The following MTHFD1L variants were observed in gnomAD, a reference collection of about 807,000 sequenced individuals.
MTHFD1L encodes monofunctional C1-tetrahydrofolate synthase, mitochondrial.
A neutral mutation model predicts 119.5 loss-of-function variants in MTHFD1L; 81 were observed. The observed-to-expected ratio is 0.68, with a 90% CI of 0.57 to 0.82. MTHFD1L has a LOEUF of 0.82. Among genes scored for constraint, MTHFD1L ranks in the 40% least tolerant of loss-of-function variants. The pLI is 0.00. For synonymous variants in MTHFD1L, 430 were observed against 475.2 expected (o/e 0.90, Z 1.24); for missense variants, 1,125 against 1,253.4 (o/e 0.90, Z 1.55).
chr6:150,913,852 C>T (rs1787383736), intron 8 of MTHFD1L, among the ~76,000 whole-genome samples: 1 of 151,938 alleles, frequency 6.6e-6, no homozygotes, highest in South Asian at 2.1e-4. Context: ...AAATTAAGCC[C>T]AGGTGCTGTG....
At chr6:150,947,346 C>T (rs56201643) in intron 15 of MTHFD1L, among the ~76,000 whole-genome samples, 1 of 151,484 alleles carries the variant, frequency 6.6e-6, no homozygotes, top group African/African-American at 2.4e-5. Flanking sequence ...CCACCTGCTT[C>T]AGCCTCCCAA....
chr6:150,951,292 A>G lies in MTHFD1L; in HGVS notation c.1726+2159A>G, dbSNP rs1288566711. ...GGTGATCTTCCTGCCTCGGCCTCCCAAAGTGCTGGGATTACAGACATGAAC... is the reference window on the plus strand; with the variant it reads ...GGTGATCTTCCTGCCTCGGCCTCCCGAAGTGCTGGGATTACAGACATGAAC... On this transcript the variant is annotated intron_variant, in intron 16 of 27. Coordinates refer to ENST00000367321, the MANE Select transcript of MTHFD1L (RefSeq NM_015440.5). Among the ~76,000 whole-genome samples, 3 of 152,042 alleles carry G rather than the reference A, an allele frequency of 2.0e-5. No individual in the cohort carries two copies. The East Asian group carries it at 5.8e-4, about 29-fold the overall frequency.
intron 13 of MTHFD1L, among the ~76,000 whole-genome samples, chr6:150,940,348 G>A (rs1792877021): frequency 6.6e-6 from 1 of 152,136 alleles, no homozygotes; most frequent in African/African-American, 2.4e-5. Context: ...GGGTGAGAAA[G>A]AGTAGTCCAA....
chr6:150,990,281 A>T (rs1385457776), intron 20 of MTHFD1L, among the ~76,000 whole-genome samples: 1 of 152,008 alleles, frequency 6.6e-6, no homozygotes, highest in East Asian at 1.9e-4. Flanking sequence ...CTGTCTCAAA[A>T]AAAAAAAAGG....
At chr6:150,900,710 C>G (rs866681209) in intron 7 of MTHFD1L, among the ~76,000 whole-genome samples, 2 of 152,328 alleles carry the variant, frequency 1.3e-5, no homozygotes, top group Middle Eastern at 3.4e-3. Flanking sequence ...CTGACAGCTT[C>G]TTTTCTATAT....
chr6:150,906,778 G>T (rs879583447), intron 8 of MTHFD1L, among the ~76,000 whole-genome samples: 2 of 152,162 alleles, frequency 1.3e-5, no homozygotes, highest in Non-Finnish European at 2.9e-5. Context: ...AAAAGCATGA[G>T]CCCTAGCCAG....
At chr6:151,088,706 C>T (rs1354469314) in intron 26 of MTHFD1L, among the ~76,000 whole-genome samples, 1 of 151,672 alleles carries the variant, frequency 6.6e-6, no homozygotes, top group Non-Finnish European at 1.5e-5. Context: ...ATCCGCCCGC[C>T]TCGGCCTCCC....
chr6:151,091,111 A>G (rs75542981), intron 26 of MTHFD1L, among the ~76,000 whole-genome samples: 7,072 of 48,268 alleles, frequency 0.15, 241 homozygotes, highest in African/African-American at 0.26. Context: ...GCGACTGGGT[A>G]CAGCATCGTT....
At chr6:150,908,101 A>T (rs1445120558) in intron 8 of MTHFD1L, among the ~76,000 whole-genome samples, 2 of 146,998 alleles carry the variant, frequency 1.4e-5, no homozygotes, top group African/African-American at 5.0e-5. Context: ...AGAAGTGTGG[A>T]TGCACCATGT....
Position 150,936,602 on chromosome 6 carries a change from CT to C in MTHFD1L, c.1257-200del, listed in dbSNP as rs1368261317. Among the ~76,000 whole-genome samples, 4 of 151,756 alleles carry C rather than the reference CT, an allele frequency of 2.6e-5. No individual in the cohort carries two copies. The East Asian group carries it at 5.8e-4, about 22-fold the overall frequency. ...CTAATACCTTTTCCTTTTTTGGTTT[CT>C]TGGTAAAGGTGTGTCTGTATCTTGA... is the stretch of plus-strand genomic sequence containing the variant. On this transcript the variant is annotated intron_variant, in intron 11 of 27. Coordinates refer to ENST00000367321, the MANE Select transcript of MTHFD1L (RefSeq NM_015440.5).
chr6:151,048,884 C>G (rs1382041991), intron 26 of MTHFD1L, among the ~76,000 whole-genome samples: 1 of 152,150 alleles, frequency 6.6e-6, no homozygotes, highest in Non-Finnish European at 1.5e-5. Flanking sequence ...CCTTACACAC[C>G]AAATATTTCT....
intron 10 of MTHFD1L, among the ~76,000 whole-genome samples, chr6:150,923,780 C>G (rs565468573): frequency 7.2e-5 from 11 of 151,732 alleles, no homozygotes; most frequent in Non-Finnish European, 1.2e-4. Flanking sequence ...GTGTGACCCT[C>G]CTGGACATGT....
intron 5 of MTHFD1L, among the ~76,000 whole-genome samples, chr6:150,885,353 G>A (rs904144051): frequency 1.3e-5 from 2 of 151,902 alleles, no homozygotes; most frequent in Admixed American, 6.6e-5. Flanking sequence ...GTGCCATCAC[G>A]CCCAGCTACC....
chr6:151,010,963 T>C (rs7763884), intron 21 of MTHFD1L, among the ~76,000 whole-genome samples: 44,100 of 152,096 alleles, frequency 0.29, 7,254 homozygotes, highest in African/African-American at 0.43. Flanking sequence ...GTGGACATGA[T>C]TTTTATACCA....
chr6:150,913,059 G>T (rs1421637144), intron 8 of MTHFD1L: 1 of 154,652 alleles, frequency 6.5e-6, no homozygotes, highest in Non-Finnish European at 1.4e-5. Flanking sequence ...ATCCAGGCAG[G>T]AATGCAGTGG....
chr6:151,030,998 T>C (rs1785267050), intron 24 of MTHFD1L, among the ~76,000 whole-genome samples: 2 of 152,208 alleles, frequency 1.3e-5, no homozygotes, highest in African/African-American at 2.4e-5. Context: ...CTGGGCAACA[T>C]GGTGAGACCT....
At chr6:150,959,304 T>C in intron 17 of MTHFD1L, 1 of 649,070 alleles carries the variant, frequency 1.5e-6, no homozygotes, top group Non-Finnish European at 1.9e-6. Flanking sequence ...GGCACAGCCA[T>C]TCTCTCTCTG....
At chr6:151,032,159 T>C (rs2128525724) in intron 24 of MTHFD1L, among the ~76,000 whole-genome samples, 1 of 152,366 alleles carries the variant, frequency 6.6e-6, no homozygotes, top group South Asian at 2.1e-4. Context: ...GCCATTACCC[T>C]GTGTTAGTTC....
intron 11 of MTHFD1L, among the ~76,000 whole-genome samples, chr6:150,933,940 C>T (rs960016827): frequency 6.6e-6 from 1 of 152,162 alleles, no homozygotes; most frequent in Admixed American, 6.6e-5. Context: ...TTATACTACG[C>T]CTTCTTAGTT....
Sources: gnomAD v4.1 joint callset for allele counts (sites outside exome capture counted in the v4.1 genomes callset) on GRCh38, gnomAD v4.1.1 for gene constraint, MANE v1.5 for transcripts, NCBI Gene and HGNC (gene_info 2026-07-23, HGNC 2026-07-21) for gene names.